MAP2K5: variants seen among roughly 807,000 people sequenced by gnomAD.
MAP2K5 encodes dual specificity mitogen-activated protein kinase kinase 5.
A neutral mutation model predicts 83.1 loss-of-function variants in MAP2K5; 49 were observed. That is an observed-to-expected ratio of 0.59 (90% confidence interval 0.47 to 0.75). MAP2K5 has a LOEUF of 0.75. Ranked by LOEUF, MAP2K5 falls within the 30% of genes least tolerant of loss-of-function variation. The pLI, the probability that MAP2K5 is intolerant of heterozygous loss-of-function variation, is 0.00. For missense variants in MAP2K5, 457 were observed against 557.5 expected, an observed-to-expected ratio of 0.82 and a Z score of 1.82; for synonymous variants, 202 against 191.8, an observed-to-expected ratio of 1.05 and a Z score of -0.44.
At position 67,561,158 on chromosome 15, in the gene MAP2K5, A is replaced by G. The variant is rs1367180585; in HGVS notation, c.185-2125A>G. Among the ~76,000 whole-genome samples the G allele has an allele frequency of 2.6e-5, 4 of 152,248 alleles. No homozygotes were observed. The highest frequency in any genetic ancestry group is 5.9e-5 in the Non-Finnish European group (4 of 68,038). ...AAGTTCAGAACTTCATAAAGAACAA[A>G]TCAGTTTAGCCTACATTTAAAGAGA... On this transcript the variant is annotated intron_variant, in intron 2 of 21. Coordinates refer to ENST00000178640, the MANE Select transcript of MAP2K5 (RefSeq NM_145160.3). The surrounding 1 kb of genome is among the most constrained non-coding windows in gnomAD (Gnocchi z 4.2).
chr15:67,627,971 A>G (rs2086366110), intron 8 of MAP2K5: 1 of 772,270 alleles, frequency 1.3e-6, no homozygotes, highest in Non-Finnish European at 2.2e-6. Flanking sequence ...GGGAACACTC[A>G]CAGACTGTGG....
chr15:67,689,024 C>T (rs1396703845), intron 13 of MAP2K5, among the ~76,000 whole-genome samples: 1 of 152,144 alleles, frequency 6.6e-6, no homozygotes, highest in Admixed American at 6.5e-5. Flanking sequence ...AAAGTATACT[C>T]CTACCCTATG....
chr15:67,691,621 G>A (rs1045272941), intron 13 of MAP2K5, among the ~76,000 whole-genome samples: 11 of 152,212 alleles, frequency 7.2e-5, no homozygotes, highest in African/African-American at 2.4e-4. Context: ...CATAAAAGAC[G>A]CATTGAAGCA....
At chr15:67,549,478 C>T (rs948443449) in intron 1 of MAP2K5, among the ~76,000 whole-genome samples, 5 of 152,232 alleles carry the variant, frequency 3.3e-5, no homozygotes, top group Admixed American at 6.5e-5. Context: ...ATGATGAGTG[C>T]GAGGCACAGT....
At chr15:67,718,083 A>G (rs1235342660) in intron 16 of MAP2K5, 1 of 152,276 alleles carries the variant, frequency 6.6e-6, no homozygotes, top group African/African-American at 2.4e-5. Flanking sequence ...TTTGGAGGGC[A>G]GTGTTCCAAC....
intron 17 of MAP2K5, among the ~76,000 whole-genome samples, chr15:67,737,382 G>A (rs2089366148): frequency 2.6e-5 from 4 of 152,186 alleles, no homozygotes; most frequent in Admixed American, 2.6e-4. Context: ...TGGCTTCCAA[G>A]TTAAAAAGGG....
intron 11 of MAP2K5, among the ~76,000 whole-genome samples, chr15:67,656,548 C>G (rs2087084064): frequency 6.6e-6 from 1 of 152,014 alleles, no homozygotes; most frequent in South Asian, 2.1e-4. Context: ...AGGCTGGTCT[C>G]AAACTCCTGA....
At chr15:67,548,692 C>T (rs894151190) in intron 1 of MAP2K5, among the ~76,000 whole-genome samples, 3 of 152,170 alleles carry the variant, frequency 2.0e-5, no homozygotes, top group African/African-American at 4.8e-5. Flanking sequence ...GTGCTTTATT[C>T]TGTACTCCCT....
chr15:67,792,319 G>A lies in MAP2K5; in HGVS notation c.1243-14327G>A, dbSNP rs779772872. 3.9e-5 allele frequency among the ~76,000 whole-genome samples: 6 copies of A among 152,076 alleles called. No homozygotes were observed. The East Asian group carries it at 9.6e-4, about 24-fold the overall frequency. On this transcript the variant is annotated intron_variant, in intron 21 of 21. Transcript: ENST00000178640. The stretch of plus-strand genomic sequence containing the variant: ...TTAGTTTTTCTCTTAAGGGGTATAG[G>A]GTTAGACTAAACCTTTTATTTTTAG...
chr15:67,621,773 G>A (rs920920034), intron 8 of MAP2K5, among the ~76,000 whole-genome samples: 4 of 152,052 alleles, frequency 2.6e-5, no homozygotes, highest in African/African-American at 9.7e-5. Context: ...TTAGGCACTG[G>A]AAATAATAGC....
chr15:67,679,912 A>C (rs1419967321), intron 13 of MAP2K5: 1 of 152,220 alleles, frequency 6.6e-6, no homozygotes, highest in East Asian at 1.9e-4. Flanking sequence ...AACCATAACC[A>C]TAATCCAGTT....
At position 67,555,988 on chromosome 15, in the gene MAP2K5, G is replaced by A. The variant is rs1231977873; in HGVS notation, c.184+5906G>A. Among the ~76,000 whole-genome samples, 4 of 152,096 alleles carry A rather than the reference G, an allele frequency of 2.6e-5. No individual in the cohort carries two copies. Among genetic ancestry groups the A allele is most frequent in the African/African-American group, 9.7e-5 (4 of 41,426 alleles). ...TTTAGTAGATACGGGGTTTCACCAT[G>A]TTGACCAGACTGGTCTCAAACTCCT... On this transcript the variant is annotated intron_variant, in intron 2 of 21. Transcript: ENST00000178640. This position sits in a 1 kb window ranked among gnomAD's most constrained non-coding sequence, Gnocchi z 5.2.
intron 2 of MAP2K5, among the ~76,000 whole-genome samples, chr15:67,550,640 AG>A (rs1370388003): frequency 4.6e-5 from 7 of 152,024 alleles, no homozygotes. Flanking sequence ...GTCATTGCAG[AG>A]GACATCATGG....
chr15:67,567,842 G>A (rs2084872446), intron 3 of MAP2K5, among the ~76,000 whole-genome samples: 1 of 152,034 alleles, frequency 6.6e-6, no homozygotes, highest in South Asian at 2.1e-4. Flanking sequence ...ATTGAAAATA[G>A]CGTGCTGCTT....
chr15:67,715,495 ACCATGAGATT>A lies in MAP2K5; in HGVS notation c.1044+12088_1044+12097del, dbSNP rs1021536983. On this transcript the variant is annotated intron_variant, in intron 16 of 21. Transcript: ENST00000178640. Reference sequence around the variant, plus strand: ...TTTGTGTTCAGAGCTGTCGGGAACAACCATGAGATTGACAAAACAAGATGGAACAGGTGCT... The same window carrying A: ...TTTGTGTTCAGAGCTGTCGGGAACAAGACAAAACAAGATGGAACAGGTGCT... Among the ~76,000 whole-genome samples, 114 of 152,352 alleles carry A rather than the reference ACCATGAGATT, an allele frequency of 7.5e-4. 1 individual carries two copies. The highest frequency in any genetic ancestry group is 2.7e-3 in the African/African-American group (111 of 41,588).
intron 17 of MAP2K5, among the ~76,000 whole-genome samples, chr15:67,740,210 G>C (rs1489500682): frequency 1.3e-5 from 2 of 152,164 alleles, no homozygotes; most frequent in Non-Finnish European, 2.9e-5. Flanking sequence ...CTAGAGTCTA[G>C]TATAGCGCCT....
In MAP2K5 at chr15:67,722,949, G is replaced by A. The variant is rs562270327; in HGVS notation, c.1045-4967G>A. Among the ~76,000 whole-genome samples, 300 of 152,176 alleles carry A rather than the reference G, an allele frequency of 2.0e-3. 1 individual carries two copies. The highest frequency in any genetic ancestry group is 2.8e-3 in the Non-Finnish European group (190 of 67,984). ...CTTATTTTCAATTTGTAGTTATGCC[G>A]AGAAACATAGAATATGTCTAAATTA... On this transcript the variant is annotated intron_variant, in intron 16 of 21. Coordinates refer to ENST00000178640, the MANE Select transcript of MAP2K5 (RefSeq NM_145160.3). The surrounding 1 kb of genome is among the most constrained non-coding windows in gnomAD (Gnocchi z 4.2).
intron 7 of MAP2K5, among the ~76,000 whole-genome samples, chr15:67,593,681 G>A (rs182539742): frequency 5.4e-4 from 83 of 152,352 alleles, no homozygotes; most frequent in African/African-American, 1.9e-3. Context: ...TAGCCTTGGA[G>A]GCAGGCGCCT....
chr15:67,548,066 C>T (rs1596542716), intron 1 of MAP2K5, among the ~76,000 whole-genome samples: 1 of 152,112 alleles, frequency 6.6e-6, no homozygotes, highest in Admixed American at 6.5e-5. Flanking sequence ...TGTGCAGTGC[C>T]TTGTTTATGT....
Sources: gnomAD v4.1 joint callset for allele counts (sites outside exome capture counted in the v4.1 genomes callset) on GRCh38, gnomAD v4.1.1 for gene constraint, Gnocchi (gnomAD v3.1) non-coding constraint, MANE v1.5 for transcripts, NCBI Gene and HGNC (gene_info 2026-07-23, HGNC 2026-07-21) for gene names.